The following ARHGAP6 variants were observed in gnomAD, a reference collection of about 807,000 sequenced individuals.
ARHGAP6 encodes the protein Rho GTPase activating protein 6.
ARHGAP6 carries 16 observed loss-of-function variants against 55.7 expected under a neutral mutation model. That is an observed-to-expected ratio of 0.29 (90% CI 0.19 to 0.44). The LOEUF (loss-of-function observed/expected upper bound fraction) is 0.44, where lower values mean the gene tolerates loss of function less well. Among genes scored for constraint, ARHGAP6 ranks in the 20% least tolerant of loss-of-function variants. The probability of loss-of-function intolerance (pLI) is 1.00; values close to 1 mark genes in which losing one functional copy is unlikely to be tolerated. For synonymous variants in ARHGAP6, 382 were observed against 360.9 expected (o/e 1.06, Z -0.66); for missense variants, 698 against 808.9 (o/e 0.86, Z 1.66).
At chrX:11,151,907 C>G (rs905115817) in intron 10 of ARHGAP6, among the ~76,000 whole-genome samples, 7 of 111,856 alleles carry the variant, frequency 6.3e-5, no homozygotes, top group Admixed American at 4.7e-4. Flanking sequence ...ATAGTGTTTG[C>G]TTTTAGACAC....
intron 1 of ARHGAP6, among the ~76,000 whole-genome samples, chrX:11,567,667 T>C (rs1281413384): frequency 1.8e-5 from 2 of 108,710 alleles, no homozygotes; most frequent in African/African-American, 6.7e-5. Context: ...TTGTTTTCTT[T>C]TCTTTTCTTT....
intron 1 of ARHGAP6, among the ~76,000 whole-genome samples, chrX:11,532,272 G>A (rs1197259206): frequency 1.8e-5 from 2 of 112,636 alleles, no homozygotes; most frequent in African/African-American, 6.4e-5. Context: ...GAACATGTGC[G>A]TGTAATGATA....
chrX:11,568,648 T>C (rs1235650025), intron 1 of ARHGAP6, among the ~76,000 whole-genome samples: 1 of 108,947 alleles, frequency 9.2e-6, no homozygotes, highest in East Asian at 2.9e-4. Context: ...TCCCAGCTAC[T>C]CGGGAGGCCA....
At chrX:11,373,649 T>C (rs2049170597) in intron 1 of ARHGAP6, among the ~76,000 whole-genome samples, 1 of 112,057 alleles carries the variant, frequency 8.9e-6, no homozygotes, top group Non-Finnish European at 1.9e-5. Context: ...AGGTCACATC[T>C]CAAATTCAAC....
chrX:11,184,909 A>G (rs759577961), intron 5 of ARHGAP6, among the ~76,000 whole-genome samples: 2 of 112,224 alleles, frequency 1.8e-5, no homozygotes, highest in Non-Finnish European at 3.8e-5. Flanking sequence ...ACCACCCTAG[A>G]TGGTATAGCC....
intron 1 of ARHGAP6, chrX:11,298,695 C>A (rs763177333): frequency 1.7e-6 from 2 of 1,208,598 alleles, no homozygotes; most frequent in African/African-American, 3.5e-5. Flanking sequence ...GATCCCCCAG[C>A]AACCAATGAT....
chrX:11,398,390 C>T (rs1433021167), intron 1 of ARHGAP6, among the ~76,000 whole-genome samples: 2 of 109,960 alleles, frequency 1.8e-5, no homozygotes, highest in Non-Finnish European at 3.8e-5. Flanking sequence ...TTTGATTTTT[C>T]CTTAACACAA....
chrX:11,655,618 T>A (rs1397520753), intron 1 of ARHGAP6, among the ~76,000 whole-genome samples: 1 of 112,340 alleles, frequency 8.9e-6, no homozygotes, highest in East Asian at 2.8e-4. Flanking sequence ...GATTCACGTT[T>A]CCCTAATAGC....
intron 1 of ARHGAP6, among the ~76,000 whole-genome samples, chrX:11,657,979 A>G (rs1023305171): frequency 4.5e-5 from 5 of 112,008 alleles, no homozygotes; most frequent in Non-Finnish European, 9.4e-5. Flanking sequence ...TTCAGTACGT[A>G]ATCAGGATAA....
Position 11,498,573 on chromosome X carries a change from T to C in ARHGAP6, c.588+165668A>G, listed in dbSNP as rs186438324. ...GCTCAGTCCAGTGGGGGTGTCAGAG[T>C]AGGAAAACCTGTCTGTGCCCTCCCT... On this transcript the variant is annotated intron_variant, in intron 1 of 12. Coordinates refer to ENST00000337414, the MANE Select transcript of ARHGAP6 (RefSeq NM_013427.3). Among the ~76,000 whole-genome samples the C allele has an allele frequency of 2.7e-5, 3 of 111,210 alleles. No homozygotes were observed. The Admixed American group carries it at 2.9e-4, about 11-fold the overall frequency.
At chrX:11,471,297 A>C (rs1193785257) in intron 1 of ARHGAP6, among the ~76,000 whole-genome samples, 1 of 112,377 alleles carries the variant, frequency 8.9e-6, no homozygotes, top group Admixed American at 9.4e-5. Context: ...TCACACTTGA[A>C]AGTTAAAAAT....
chrX:11,347,495 A>G (rs1416834988), intron 1 of ARHGAP6, among the ~76,000 whole-genome samples: 1 of 112,267 alleles, frequency 8.9e-6, no homozygotes, highest in Non-Finnish European at 1.9e-5. Context: ...TAAAACAGAG[A>G]GTGCAGAGCT....
intron 1 of ARHGAP6, chrX:11,351,336 C>T: frequency 5.3e-6 from 5 of 950,907 alleles, no homozygotes; most frequent in Non-Finnish European, 6.7e-6. Flanking sequence ...TTAAAATAAA[C>T]ATTCATATCA....
At chrX:11,560,095 G>A (rs1296213683) in intron 1 of ARHGAP6, among the ~76,000 whole-genome samples, 1 of 110,638 alleles carries the variant, frequency 9.0e-6, no homozygotes, top group African/African-American at 3.3e-5. Flanking sequence ...CAACTTCAGA[G>A]AAGAGAGCAC....
At chrX:11,143,642 C>T in intron 11 of ARHGAP6, 4 of 982,132 alleles carry the variant, frequency 4.1e-6, no homozygotes, top group Non-Finnish European at 5.1e-6. Context: ...AGCAAATATG[C>T]AACCCAAATC....
chrX:11,632,790 G>C (rs748681988), intron 1 of ARHGAP6, among the ~76,000 whole-genome samples: 1 of 112,247 alleles, frequency 8.9e-6, no homozygotes, highest in African/African-American at 3.2e-5. Flanking sequence ...GCTGTAATGG[G>C]CACTGCTGGT....
chrX:11,532,341 T>C (rs1221997246), intron 1 of ARHGAP6, among the ~76,000 whole-genome samples: 2 of 112,434 alleles, frequency 1.8e-5, no homozygotes, highest in Non-Finnish European at 3.8e-5. Flanking sequence ...AATGAATGAA[T>C]AACAAAATTT....
chrX:11,415,351 G>A (rs2049734432), intron 1 of ARHGAP6, among the ~76,000 whole-genome samples: 1 of 111,304 alleles, frequency 9.0e-6, no homozygotes, highest in South Asian at 3.8e-4. Context: ...GGATTTATGG[G>A]AACTGATATC....
chrX:11,622,078 T>G (rs1331427256), intron 1 of ARHGAP6, among the ~76,000 whole-genome samples: 1 of 111,862 alleles, frequency 8.9e-6, no homozygotes, highest in Non-Finnish European at 1.9e-5. Context: ...TTACAAAATA[T>G]AAAACATTAA....
Sources: gnomAD v4.1 joint callset for allele counts (sites outside exome capture counted in the v4.1 genomes callset) on GRCh38, gnomAD v4.1.1 for gene constraint, MANE v1.5 for transcripts, NCBI Gene and HGNC (gene_info 2026-07-23, HGNC 2026-07-21) for gene names.